CYP4F12: variants seen among roughly 807,000 people sequenced by gnomAD.
The protein encoded by CYP4F12 is cytochrome P450 4F12.
A neutral mutation model predicts 56.5 loss-of-function variants in CYP4F12; 60 were observed. That is an observed-to-expected ratio of 1.06 (90% confidence interval 0.86 to 1.32). CYP4F12 has a LOEUF of 1.32. Among genes scored for constraint, CYP4F12 ranks in the 40% most tolerant of loss-of-function variants. The probability of loss-of-function intolerance (pLI) is 0.00; values close to 1 mark genes in which losing one functional copy is unlikely to be tolerated. For missense variants in CYP4F12, 711 were observed against 683.5 expected (o/e 1.04, Z -0.45); for synonymous variants, 263 against 264.9 (o/e 0.99, Z 0.07).
At chr19:15,685,018 C>A in intron 8 of CYP4F12, 50 bp from the exon 9 acceptor site, 5 of 1,596,094 alleles carry the variant, frequency 3.1e-6, no homozygotes, top group South Asian at 1.1e-5. Context: ...AATATCTGGG[C>A]GCTGTCCACC....
At chr19:15,696,826 G>T in intron 12 of CYP4F12, 82 bp from the exon 13 acceptor site, 1 of 1,489,736 alleles carries the variant, frequency 6.7e-7, no homozygotes, top group South Asian at 1.3e-5. Context: ...GGTGCAGTTG[G>T]GGGTCCCAGG....
chr19:15,684,796 G>C lies in CYP4F12; in HGVS notation c.919-20G>C. The C allele has an allele frequency of 7.1e-7, 1 of 1,408,306 alleles. No individual in the cohort carries two copies. Among genetic ancestry groups the C allele is most frequent in the Non-Finnish European group, 1.0e-6 (1 of 1,004,426 alleles). 87.2% of individuals were successfully genotyped at this position (1,408,306 alleles called of 1,614,324 possible). On this transcript the variant is annotated intron_variant, in intron 7 of 12. Transcript: ENST00000550308. ...TGTGTGTGTGTGTGTGTGTGTGTGT[G>C]TGTCTTGCTTTCTCTTCAGGATGAA...
chr19:15,696,467 A>G lies in CYP4F12; in HGVS notation c.1352A>G (p.Lys451Arg). The change falls in exon 12 of 13, where the codon AAG (lysine) becomes AGG (arginine). Residue 451 changes from lysine (K) to arginine (R), a missense_variant. Physicochemically the swap from Lys to Arg is conservative, Grantham distance 26. Transcript: ENST00000550308. ...DPFRFDPENS[K>R]GRSPLAFIPF... ...TTCCGCTTTGACCCAGAGAACAGCA[A>G]GGGGAGGTCACCTCTGGCTTTTATT... The G allele has an allele frequency of 6.2e-7, 1 of 1,614,150 alleles. No individual in the cohort carries two copies. The highest frequency in any genetic ancestry group is 8.5e-7 in the Non-Finnish European group (1 of 1,180,024).
chr19:15,683,410 T>C (rs2007417105), intron 6 of CYP4F12, 83 bp from the exon 7 acceptor site: 1 of 1,437,634 alleles, frequency 7.0e-7, no homozygotes, highest in Non-Finnish European at 9.4e-7. Flanking sequence ...TGATGGGAGG[T>C]AGCTCCTGGC....
chr19:15,677,104 T>A (rs2006985893), intron 2 of CYP4F12, among the ~76,000 whole-genome samples: 1 of 127,680 alleles, frequency 7.8e-6, no homozygotes, highest in Non-Finnish European at 1.7e-5. Flanking sequence ...CACTCACTCA[T>A]TCCTCTGCTC....
At chr19:15,696,864 A>G (rs750735231) in intron 12 of CYP4F12, 44 bp from the exon 13 acceptor site, 12 of 1,571,010 alleles carry the variant, frequency 7.6e-6, no homozygotes, top group Non-Finnish European at 9.5e-6. Context: ...TGGGACCCAA[A>G]TGCGGGTCTT....
chr19:15,696,321 T>C (rs2008136814), intron 11 of CYP4F12, 96 bp downstream of exon 11: 1 of 1,610,762 alleles, frequency 6.2e-7, no homozygotes, highest in Non-Finnish European at 8.5e-7. Flanking sequence ...GGCAGGGTTT[T>C]GATGAGGAAA....
chr19:15,687,375 C>T lies in CYP4F12; in HGVS notation c.1115+2178C>T, dbSNP rs149663211. On this transcript the variant is annotated intron_variant, in intron 9 of 12. Transcript: ENST00000550308. ...CCTCCAGAAGATGGCTATCTTGATG[C>T]CCACTTTATAAGAACACAGACTTCT... 1.8e-3 allele frequency among the ~76,000 whole-genome samples: 270 copies of T among 152,242 alleles called. 2 individuals are homozygous for T. Among genetic ancestry groups the T allele is most frequent in the Admixed American group, 3.6e-3 (55 of 15,296 alleles).
intron 12 of CYP4F12, 95 bp from the exon 13 acceptor site, chr19:15,696,813 C>G: frequency 1.4e-6 from 2 of 1,445,506 alleles, no homozygotes; most frequent in Admixed American, 2.4e-5. Flanking sequence ...TCAGGCTGAG[C>G]TGGGTGCAGT....
intron 9 of CYP4F12, among the ~76,000 whole-genome samples, chr19:15,692,945 G>C (rs1213682718): frequency 1.3e-5 from 2 of 152,180 alleles, no homozygotes; most frequent in South Asian, 4.2e-4. Flanking sequence ...GGCTGTTGTG[G>C]TGAATGCCTG....
intron 2 of CYP4F12, among the ~76,000 whole-genome samples, chr19:15,674,793 C>T (rs534436949): frequency 3.5e-4 from 53 of 152,318 alleles, no homozygotes; most frequent in African/African-American, 1.3e-3. Context: ...CCTCCCACCT[C>T]AGCCTGCTTG....
In CYP4F12 at chr19:15,697,074, A is replaced by G. The variant is rs593818; in HGVS notation, c.1564A>G (p.Ser522Gly). ...GCTGCGGGTGGAGCCCCTGAATGTA[A>G]GCTTGCAGTGACTTTCTGACCCATC... ...LWLRVEPLNV[S>G]LQ The change falls in exon 13 of 13, where the codon AGC (serine) becomes GGC (glycine). Residue 522 changes from serine to glycine, a missense_variant. Coordinates refer to ENST00000550308, the MANE Select transcript of CYP4F12 (RefSeq NM_023944.4). 0.55 allele frequency: 879,919 copies of G among 1,612,492 alleles called. 242,672 individuals are homozygous for G. The highest frequency in any genetic ancestry group is 0.71 in the East Asian group (31,896 of 44,818).
At chr19:15,687,118 G>T (rs112114179) in intron 9 of CYP4F12, among the ~76,000 whole-genome samples, 1 of 151,782 alleles carries the variant, frequency 6.6e-6, no homozygotes, top group East Asian at 1.9e-4. Context: ...TCTACTAAAA[G>T]TATAAAAAAT....
rs3063212 is a variant in CYP4F12 at position 15,684,756 on chromosome 19, T to TTGTGTGTGTG, written c.919-26_919-17dup. 6.1e-3 allele frequency: 6,360 copies of TTGTGTGTGTG among 1,042,508 alleles called. 27 individuals are homozygous for TTGTGTGTGTG. Among genetic ancestry groups the TTGTGTGTGTG allele is most frequent in the African/African-American group, 0.02 (1,198 of 59,978 alleles). The allele number at this position is 1,042,508 out of a possible 1,614,324, so 64.6% of individuals were successfully genotyped here. A position where few individuals can be genotyped will look rare whatever the true frequency, so the allele number is the denominator to read the frequency against. On this transcript the variant is annotated intron_variant, in intron 7 of 12. Transcript: ENST00000550308. ...TCCGGAGTCTCAGAGATAGTATAATTTGTGTGTGTGTGTGTGTGTGTGTGT... is the reference window on the plus strand; with the variant it reads ...TCCGGAGTCTCAGAGATAGTATAATTTGTGTGTGTGTGTGTGTGTGTGTGTGTGTGTGTGT...
chr19:15,674,460 TTCACTCATTCCTCTCCTCAC>T (rs1254953624), intron 2 of CYP4F12, among the ~76,000 whole-genome samples: 1 of 1,144 alleles, frequency 8.7e-4, no homozygotes, highest in African/African-American at 2.4e-3. Flanking sequence ...ATTCCTCTCA[TTCACTCATTCCTCTCCTCAC>T]TCACTCATTC....
At chr19:15,673,273 A>G (rs1016613986) in intron 1 of CYP4F12, 138 bp downstream of exon 1, 17 of 605,194 alleles carry the variant, frequency 2.8e-5, no homozygotes, top group African/African-American at 1.1e-4. Flanking sequence ...CAAACTCCCA[A>G]GGATTCAGGT....
rs1377133878 is a variant in CYP4F12 at position 15,678,413 on chromosome 19, T to G, written c.343+8T>G. ...CTATCACCAATGCCTCAGGTACCCA[T>G]GCAGAGCTTGTGGTGGTGGGTGCCA... On this transcript the variant is annotated splice_region_variant and intron_variant, in intron 3 of 12. Coordinates refer to ENST00000550308, the MANE Select transcript of CYP4F12 (RefSeq NM_023944.4). 1 of 1,614,060 alleles carries G rather than the reference T, an allele frequency of 6.2e-7. No individual in the cohort carries two copies. Among genetic ancestry groups the G allele is most frequent in the East Asian group, 2.2e-5 (1 of 44,884 alleles).
intron 2 of CYP4F12, among the ~76,000 whole-genome samples, chr19:15,675,675 C>T (rs1421284229): frequency 6.6e-6 from 1 of 152,164 alleles, no homozygotes; most frequent in African/African-American, 2.4e-5. Flanking sequence ...ATCTTGGGGA[C>T]AGCTCCAAGA....
rs2144728046 is a variant in CYP4F12, at chr19:15,682,374, C to G, written c.526-15C>G. 6.2e-7 allele frequency: 1 copy of G among 1,611,572 alleles called. No homozygotes were observed. Among genetic ancestry groups the G allele is most frequent in the African/African-American group, 1.3e-5 (1 of 74,998 alleles). ...GGCAGGGCCCAGCTCTAGCTCTCTT[C>G]CCTTCTCTGGCCAGGACAAGTGGCA... On this transcript the variant is annotated splice_polypyrimidine_tract_variant and intron_variant, in intron 5 of 12. Transcript: ENST00000550308.
Sources: allele counts gnomAD v4.1 joint callset (sites outside exome capture counted in the v4.1 genomes callset), GRCh38; gene constraint gnomAD v4.1.1; transcripts MANE v1.5; gene names NCBI Gene and HGNC (gene_info 2026-07-23, HGNC 2026-07-21).